The following MAPK10 variants were observed in gnomAD, a reference collection of about 807,000 sequenced individuals.
The protein encoded by MAPK10 is mitogen-activated protein kinase 10.
Under a neutral mutation model 59.3 loss-of-function variants are expected in MAPK10, and 25 were observed. That is an observed-to-expected ratio of 0.42 (90% confidence interval 0.31 to 0.59). MAPK10 has a LOEUF of 0.59. Among genes scored for constraint, MAPK10 ranks in the 20% least tolerant of loss-of-function variants. The probability of loss-of-function intolerance (pLI) is 0.15; values close to 1 mark genes in which losing one functional copy is unlikely to be tolerated. For missense variants in MAPK10, 351 were observed against 568.9 expected, an observed-to-expected ratio of 0.62 and a Z score of 3.90; for synonymous variants, 190 against 200.5, an observed-to-expected ratio of 0.95 and a Z score of 0.44.
intron 13 of MAPK10, among the ~76,000 whole-genome samples, chr4:86,021,968 C>T (rs537993398): frequency 2.6e-5 from 4 of 152,204 alleles, no homozygotes; most frequent in Admixed American, 6.5e-5. Flanking sequence ...GCACGCGGCC[C>T]GGGTTCCCGC....
chr4:86,218,896 T>TA (rs1295494548), intron 2 of MAPK10, among the ~76,000 whole-genome samples: 24 of 152,330 alleles, frequency 1.6e-4, no homozygotes, highest in Non-Finnish European at 3.5e-4. Flanking sequence ...TAATTAACCA[T>TA]AAACTCAATA....
intron 1 of MAPK10, among the ~76,000 whole-genome samples, chr4:86,483,493 T>C (rs895789929): frequency 1.3e-5 from 2 of 152,074 alleles, no homozygotes; most frequent in Non-Finnish European, 2.9e-5. Context: ...TTCTGAAATA[T>C]GTTCAAAGAA....
chr4:86,484,398 G>T (rs1753833089), intron 1 of MAPK10, among the ~76,000 whole-genome samples: 2 of 151,792 alleles, frequency 1.3e-5, no homozygotes, highest in African/African-American at 4.9e-5. Context: ...CTTTCGTAAT[G>T]TTCTCACTTT....
chr4:86,299,105 A>G (rs1233294703), intron 2 of MAPK10, among the ~76,000 whole-genome samples: 1 of 152,236 alleles, frequency 6.6e-6, no homozygotes, highest in Non-Finnish European at 1.5e-5. Context: ...GGTACAATAA[A>G]TAGTGATTAG....
At chr4:86,425,584 T>C (rs1209022882) in intron 1 of MAPK10, among the ~76,000 whole-genome samples, 1 of 152,216 alleles carries the variant, frequency 6.6e-6, no homozygotes, top group Non-Finnish European at 1.5e-5. Flanking sequence ...CTATGGATTC[T>C]CTTCTCCATT....
At chr4:86,237,172 C>T (rs568597822) in intron 2 of MAPK10, among the ~76,000 whole-genome samples, 19 of 152,242 alleles carry the variant, frequency 1.2e-4, no homozygotes, top group African/African-American at 4.3e-4. Context: ...CATCCATGTC[C>T]CTGCAAAAGA....
intron 4 of MAPK10, among the ~76,000 whole-genome samples, chr4:86,145,493 C>T (rs1358621047): frequency 6.6e-6 from 1 of 151,826 alleles, no homozygotes. Flanking sequence ...GTTTCTGTTT[C>T]ACAAAGAATT....
Position 86,101,355 on chromosome 4 carries a change from G to A in MAPK10, c.565-138C>T, listed in dbSNP as rs1035582243. On this transcript the variant is annotated intron_variant, in intron 7 of 13. Coordinates refer to ENST00000641462, the MANE Select transcript of MAPK10 (RefSeq NM_138982.4). ...CTACAGAGCTCTAAATAAGGCAAAT[G>A]ATTACTGCTACAAATAAGTTAACTA... 5 of 543,442 alleles carry A rather than the reference G, an allele frequency of 9.2e-6. No individual in the cohort carries two copies. In the African/African-American group the frequency reaches 9.4e-5, roughly 10 times the overall value. 33.7% of individuals were successfully genotyped at this position (543,442 alleles called of 1,614,324 possible). A position where few individuals can be genotyped will look rare whatever the true frequency, so the allele number is the denominator to read the frequency against.
At chr4:86,054,259 A>G (rs1452989202) in intron 11 of MAPK10, among the ~76,000 whole-genome samples, 6 of 152,168 alleles carry the variant, frequency 3.9e-5, no homozygotes, top group African/African-American at 1.2e-4. Flanking sequence ...TTTCAGTGAA[A>G]TACATATTCC....
At chr4:86,382,583 G>C (rs746978118) in intron 1 of MAPK10, among the ~76,000 whole-genome samples, 2 of 152,138 alleles carry the variant, frequency 1.3e-5, no homozygotes, top group Non-Finnish European at 2.9e-5. Context: ...GCATAAAGTC[G>C]GAGCGCAATA....
intron 11 of MAPK10, among the ~76,000 whole-genome samples, chr4:86,045,968 C>T (rs1412232000): frequency 4.0e-5 from 6 of 151,650 alleles, no homozygotes; most frequent in African/African-American, 7.3e-5. Context: ...ATTTGGAATA[C>T]GTATCATCAA....
intron 2 of MAPK10, among the ~76,000 whole-genome samples, chr4:86,296,993 G>C (rs1323886996): frequency 6.6e-6 from 1 of 152,156 alleles, no homozygotes; most frequent in East Asian, 1.9e-4. Context: ...CCTCTGGAAG[G>C]GTTAGACGGG....
At chr4:86,238,810 C>A (rs1690326734) in intron 2 of MAPK10, among the ~76,000 whole-genome samples, 3 of 152,152 alleles carry the variant, frequency 2.0e-5, no homozygotes, top group Non-Finnish European at 2.9e-5. Context: ...AATTTGACTT[C>A]CTCTCTTCCT....
intron 2 of MAPK10, among the ~76,000 whole-genome samples, chr4:86,229,160 A>T (rs962512153): frequency 6.6e-6 from 1 of 152,348 alleles, no homozygotes; most frequent in Admixed American, 6.5e-5. Flanking sequence ...ACCAATGGGA[A>T]GAGCAAAGTC....
chr4:86,299,145 T>C (rs1177763372), intron 2 of MAPK10, among the ~76,000 whole-genome samples: 1 of 152,150 alleles, frequency 6.6e-6, no homozygotes, highest in Non-Finnish European at 1.5e-5. Context: ...TTTTTCAGAA[T>C]AAAAGCAGTA....
chr4:86,110,516 G>A (rs1291905219), intron 4 of MAPK10, among the ~76,000 whole-genome samples: 1 of 152,108 alleles, frequency 6.6e-6, no homozygotes, highest in African/African-American at 2.4e-5. Context: ...TGTCAGATTT[G>A]TCAAAGATCA....
At chr4:86,362,968 G>T (rs113652467), upstream of MAPK10, among the ~76,000 whole-genome samples, 1 of 151,984 alleles carries the variant, frequency 6.6e-6, no homozygotes, top group Non-Finnish European at 1.5e-5. Flanking sequence ...GGAAACCTAC[G>T]TCTACCAAAA....
At chr4:86,387,756 C>G (rs75855012) in intron 1 of MAPK10, among the ~76,000 whole-genome samples, 1 of 151,806 alleles carries the variant, frequency 6.6e-6, no homozygotes, top group East Asian at 1.9e-4. Flanking sequence ...ACTGAACTGA[C>G]GTTTTTTTCA....
chr4:86,321,960 G>C (rs531416670), intron 2 of MAPK10: 1 of 151,518 alleles, frequency 6.6e-6, no homozygotes, highest in South Asian at 2.1e-4. Flanking sequence ...GCCTCCCAAA[G>C]TGCTGGGGTT....
Sources: gnomAD v4.1 joint callset for allele counts (sites outside exome capture counted in the v4.1 genomes callset) on GRCh38, gnomAD v4.1.1 for gene constraint, MANE v1.5 for transcripts, NCBI Gene and HGNC (gene_info 2026-07-23, HGNC 2026-07-21) for gene names.